RSPH14: variants seen among roughly 807,000 people sequenced by gnomAD.
RSPH14 encodes radial spoke head 14 homolog.
Under a neutral mutation model 26.7 loss-of-function variants are expected in RSPH14, and 20 were observed. The observed-to-expected ratio is 0.75, with a 90% CI of 0.53 to 1.09. RSPH14 has a LOEUF of 1.09. Among genes scored for constraint, RSPH14 ranks in the 50% least tolerant of loss-of-function variants. The probability of loss-of-function intolerance (pLI) is 0.00; values close to 1 mark genes in which losing one functional copy is unlikely to be tolerated. For missense variants in RSPH14, 449 were observed against 457.2 expected, an observed-to-expected ratio of 0.98 and a Z score of 0.16; for synonymous variants, 177 against 189.3, an observed-to-expected ratio of 0.93 and a Z score of 0.53.
the RSPH14 span, among the ~76,000 whole-genome samples, chr22:23,169,237 C>G: frequency 6.6e-6 from 1 of 152,226 alleles, no homozygotes; most frequent in African/African-American, 2.4e-5. Context: ...ATCTTTGCTC[C>G]GCACTCTGGC....
intron 4 of RSPH14, among the ~76,000 whole-genome samples, chr22:23,084,245 G>A (rs921320791): frequency 1.3e-5 from 2 of 152,194 alleles, no homozygotes; most frequent in African/African-American, 4.8e-5. Flanking sequence ...TGGTGCAAAA[G>A]CAATAAACAT....
chr22:23,151,498 G>T, the RSPH14 span, among the ~76,000 whole-genome samples: 487 of 152,320 alleles, frequency 3.2e-3, 4 homozygotes, highest in African/African-American at 0.011. Context: ...CTGTCTGCAG[G>T]CAGAGGAAGT....
chr22:23,166,175 AAAG>A, the RSPH14 span, among the ~76,000 whole-genome samples: 6 of 128,930 alleles, frequency 4.7e-5, no homozygotes, highest in South Asian at 2.5e-4. Context: ...AAAAAAAAAA[AAAG>A]GAGTGTTTCC....
At chr22:23,094,341 A>C (rs1313464464) in intron 4 of RSPH14, among the ~76,000 whole-genome samples, 1 of 151,870 alleles carries the variant, frequency 6.6e-6, no homozygotes, top group Non-Finnish European at 1.5e-5. Context: ...CACCCGGCAA[A>C]GTCACAGGGG....
At chr22:23,153,628 G>A in the RSPH14 span, 5,079 of 983,522 alleles carry the variant, frequency 5.2e-3, 15 homozygotes, top group Middle Eastern at 0.013. Flanking sequence ...TGAGGCACTC[G>A]TCTTCCTCCT....
At chr22:23,075,903 G>A (rs1024886700) in intron 4 of RSPH14, among the ~76,000 whole-genome samples, 8 of 150,984 alleles carry the variant, frequency 5.3e-5, no homozygotes, top group Non-Finnish European at 1.0e-4. Flanking sequence ...CCCCTGTGAG[G>A]TCTGCTCCTT....
chr22:23,062,925 C>T (rs1410022786), intron 5 of RSPH14, among the ~76,000 whole-genome samples: 1 of 152,242 alleles, frequency 6.6e-6, no homozygotes, highest in Non-Finnish European at 1.5e-5. Context: ...AGCCAAAGCT[C>T]CCCCGCTGCA....
the RSPH14 span, among the ~76,000 whole-genome samples, chr22:23,154,831 A>C: frequency 6.6e-6 from 1 of 152,230 alleles, no homozygotes; most frequent in Non-Finnish European, 1.5e-5. Context: ...CACTTGAAAA[A>C]AATTCAGACC....
At chr22:23,106,635 G>A (rs2069486377) in intron 4 of RSPH14, among the ~76,000 whole-genome samples, 1 of 152,238 alleles carries the variant, frequency 6.6e-6, no homozygotes, top group Non-Finnish European at 1.5e-5. Flanking sequence ...CAGGCTGTAG[G>A]ATAACATGTG....
intron 4 of RSPH14, chr22:23,070,453 G>C (rs1479541032): frequency 2.7e-5 from 4 of 148,852 alleles, no homozygotes; most frequent in African/African-American, 9.7e-5. Context: ...ACGTCCCCGC[G>C]TGGGCGCCGC....
At chr22:23,170,013 C>T in the RSPH14 span, among the ~76,000 whole-genome samples, 1 of 151,006 alleles carries the variant, frequency 6.6e-6, no homozygotes, top group Non-Finnish European at 1.5e-5. Context: ...GGAAGGATCG[C>T]TTGGGCCCAG....
At position 23,059,588 on chromosome 22, in the gene RSPH14, C is replaced by T. The variant is rs368272952; in HGVS notation, c.921G>A (p.Lys307=). Residue 307 remains lysine, a synonymous_variant, in exon 7 of 7, where the codon AAG becomes AAA. Transcript: ENST00000216036. The part of the protein sequence containing the change: ...TMLAEAPEGR[K]ALQTHVPTFR... ...AAGTGGGCACGTGCGTCTGCAGGGC[C>T]TTGCGGCCCTCGGGGGCCTCTGCCA... 77 of 1,613,928 alleles carry T rather than the reference C, an allele frequency of 4.8e-5. No homozygotes were observed. The highest frequency in any genetic ancestry group is 6.4e-5 in the Non-Finnish European group (75 of 1,179,958).
intron 3 of RSPH14, 66 bp downstream of exon 3, chr22:23,138,774 G>T: frequency 1.5e-6 from 2 of 1,344,550 alleles, no homozygotes; most frequent in Non-Finnish European, 2.1e-6. Context: ...AGCAGCTCAA[G>T]TGCATCCACC....
chr22:23,152,607 T>C, the RSPH14 span: 8 of 1,339,724 alleles, frequency 6.0e-6, no homozygotes, highest in Non-Finnish European at 8.6e-6. Context: ...CCAGATAATA[T>C]CAACATAGCA....
At chr22:23,126,399 C>G (rs2070182561) in intron 4 of RSPH14, among the ~76,000 whole-genome samples, 1 of 152,244 alleles carries the variant, frequency 6.6e-6, no homozygotes, top group South Asian at 2.1e-4. Flanking sequence ...CTGCCTTGTT[C>G]CGCTCTTGCC....
At chr22:23,079,075 T>G (rs2068596856) in intron 4 of RSPH14, among the ~76,000 whole-genome samples, 1 of 152,180 alleles carries the variant, frequency 6.6e-6, no homozygotes. Flanking sequence ...TGGTGCTAGG[T>G]CCATGTGGGC....
chr22:23,121,117 C>T (rs2070013702), intron 4 of RSPH14, among the ~76,000 whole-genome samples: 1 of 152,206 alleles, frequency 6.6e-6, no homozygotes, highest in Non-Finnish European at 1.5e-5. Flanking sequence ...GAGGCGCTGG[C>T]TCCTCTCTGC....
the RSPH14 span, among the ~76,000 whole-genome samples, chr22:23,170,914 C>A: frequency 6.6e-6 from 1 of 151,982 alleles, no homozygotes; most frequent in Non-Finnish European, 1.5e-5. Context: ...TGGCTATTCA[C>A]AGGCACAATC....
intron 5 of RSPH14, 104 bp from the exon 6 acceptor site, chr22:23,062,049 C>A (rs2068108649): frequency 5.2e-6 from 7 of 1,354,118 alleles, no homozygotes; most frequent in East Asian, 2.5e-5. Flanking sequence ...TGTGTGGGGG[C>A]TACCCCAGGT....
Sources: allele counts gnomAD v4.1 joint callset (sites outside exome capture counted in the v4.1 genomes callset), GRCh38; gene constraint gnomAD v4.1.1; transcripts MANE v1.5; gene names NCBI Gene and HGNC (gene_info 2026-07-23, HGNC 2026-07-21).